The following XXYLT1 variants were observed in gnomAD, a reference collection of about 807,000 sequenced individuals.
XXYLT1 encodes the protein xyloside xylosyltransferase 1.
In XXYLT1, 20 loss-of-function variants were observed where a neutral mutation model predicts 28.9. The observed-to-expected ratio is 0.69, with a 90% confidence interval of 0.49 to 1.00. The LOEUF (loss-of-function observed/expected upper bound fraction) is 1.00. Among genes scored for constraint, XXYLT1 ranks in the 50% least tolerant of loss-of-function variants. The pLI is 0.00. For missense variants in XXYLT1, 542 were observed against 560.1 expected (o/e 0.97, Z 0.33); for synonymous variants, 257 against 253.8 (o/e 1.01, Z -0.12).
intron 3 of XXYLT1, among the ~76,000 whole-genome samples, chr3:195,122,691 G>A (rs1718426393): frequency 6.6e-6 from 1 of 152,222 alleles, no homozygotes; most frequent in Non-Finnish European, 1.5e-5. Flanking sequence ...GAGAAAGAAG[G>A]AAGTTTCCAG....
At chr3:195,175,760 C>T in intron 2 of XXYLT1, 2 of 1,524,216 alleles carry the variant, frequency 1.3e-6, no homozygotes, top group Non-Finnish European at 1.8e-6. Context: ...AGGGCCTCAG[C>T]CACTGCTCCC....
chr3:195,204,468 A>ACTCTCTCTCTCTCTCT (rs1316535464), intron 2 of XXYLT1, among the ~76,000 whole-genome samples: 1 of 114,754 alleles, frequency 8.7e-6, no homozygotes, highest in African/African-American at 3.8e-5. Flanking sequence ...ACACACACTC[A>ACTCTCTCTCTCTCTCT]CTCTCTCACT....
chr3:195,099,841 A>AAAAAG (rs1464001073), intron 3 of XXYLT1, among the ~76,000 whole-genome samples: 1 of 151,794 alleles, frequency 6.6e-6, no homozygotes. Flanking sequence ...AAAAAAAAAA[A>AAAAAG]AAAAAAAAAA....
At chr3:195,259,402 C>A (rs745648486) in intron 1 of XXYLT1, among the ~76,000 whole-genome samples, 1 of 152,178 alleles carries the variant, frequency 6.6e-6, no homozygotes, top group African/African-American at 2.4e-5. Flanking sequence ...GTCATCTTGA[C>A]TTGTCTTCCA....
intron 2 of XXYLT1, chr3:195,207,344 A>C (rs1255861255): frequency 2.6e-6 from 1 of 385,396 alleles, no homozygotes; most frequent in Non-Finnish European, 5.2e-6. Flanking sequence ...GGGCTCCAGG[A>C]AACAGCCAGC....
rs79367270 is a variant in XXYLT1, at chr3:195,202,415, A to G, written c.652+24294T>C. Among the ~76,000 whole-genome samples, 1,128 of 152,188 alleles carry G rather than the reference A, an allele frequency of 7.4e-3. 20 individuals are homozygous for G. Among genetic ancestry groups the G allele is most frequent in the African/African-American group, 0.026 (1,091 of 41,504 alleles). ...ACTAGGTCCCTGGCCAAAAAAAAAA[A>G]AAAAAAAACTGACAGTAACCTGATA... On this transcript the variant is annotated intron_variant, in intron 2 of 3. Transcript: ENST00000310380.
rs1168997998 is a variant in XXYLT1 at position 195,077,204 on chromosome 3, G to C, written c.786-7093C>G. On this transcript the variant is annotated intron_variant, in intron 3 of 3. Coordinates refer to ENST00000310380, the MANE Select transcript of XXYLT1 (RefSeq NM_152531.5). The surrounding 1 kb of genome is among the most constrained non-coding windows in gnomAD (Gnocchi z 4.8). ...GGGAAAGGCAGGTGTCAGTGGCTGG[G>C]GAAGGGAAAAGCAGAGGGATGGGAG... Among the ~76,000 whole-genome samples, 2 of 152,172 alleles carry C rather than the reference G, an allele frequency of 1.3e-5. No individual in the cohort carries two copies. Among genetic ancestry groups the C allele is most frequent in the African/African-American group, 4.8e-5 (2 of 41,426 alleles).
At chr3:195,204,441 G>GAC (rs1389880459) in intron 2 of XXYLT1, among the ~76,000 whole-genome samples, 3 of 146,742 alleles carry the variant, frequency 2.0e-5, no homozygotes, top group South Asian at 2.1e-4. Flanking sequence ...CTCTCTCCCT[G>GAC]ACACACACAC....
chr3:195,260,932 G>A (rs1010526178), intron 1 of XXYLT1, among the ~76,000 whole-genome samples: 1 of 152,332 alleles, frequency 6.6e-6, no homozygotes, highest in Admixed American at 6.5e-5. Context: ...TCATCGGCAG[G>A]CGGATGACAG....
intron 2 of XXYLT1, among the ~76,000 whole-genome samples, chr3:195,167,094 C>T (rs1721163677): frequency 6.6e-6 from 1 of 152,260 alleles, no homozygotes; most frequent in African/African-American, 2.4e-5. Flanking sequence ...TGCGTTCTCG[C>T]AGCGCCATGT....
intron 3 of XXYLT1, chr3:195,085,855 C>T (rs1329862425): frequency 1.1e-4 from 17 of 152,374 alleles, no homozygotes. Context: ...GGGCTAGCCT[C>T]CTCCCCCACC....
rs375801654 is a variant in XXYLT1, at chr3:195,171,292, C to G, written c.653-14711G>C. 2.0e-5 allele frequency among the ~76,000 whole-genome samples: 3 copies of G among 152,328 alleles called. 1 individual carries two copies. The highest frequency in any genetic ancestry group is 7.2e-5 in the African/African-American group (3 of 41,572). On this transcript the variant is annotated intron_variant, in intron 2 of 3. Coordinates refer to ENST00000310380, the MANE Select transcript of XXYLT1 (RefSeq NM_152531.5). ...TTCCCACAGGAGGGCAGGTTCTGAACGGCCAAGCCCTGGGGTCTGTTACCA... is the reference window on the plus strand; with the variant it reads ...TTCCCACAGGAGGGCAGGTTCTGAAGGGCCAAGCCCTGGGGTCTGTTACCA...
chr3:195,107,233 G>C (rs1717149295), intron 3 of XXYLT1, among the ~76,000 whole-genome samples: 1 of 151,932 alleles, frequency 6.6e-6, no homozygotes, highest in Non-Finnish European at 1.5e-5. Context: ...CAGCACTTTT[G>C]GAGGCCGAGG....
chr3:195,107,563 A>G (rs1351490951), intron 3 of XXYLT1, among the ~76,000 whole-genome samples: 62 of 2,070 alleles, frequency 0.03, 4 homozygotes, highest in African/African-American at 0.041. Flanking sequence ...GAAGAGGGGG[A>G]GAGGAGGAGG....
In XXYLT1 at chr3:195,270,797, T is replaced by C; in HGVS notation, c.262A>G (p.Ser88Gly). 1 of 1,531,700 alleles carries C rather than the reference T, an allele frequency of 6.5e-7. No individual in the cohort carries two copies. The highest frequency in any genetic ancestry group is 1.2e-5 in the South Asian group (1 of 82,146). The allele number at this position is 1,531,700 out of a possible 1,614,324, so 94.9% of individuals were successfully genotyped here. A position where few individuals can be genotyped will look rare whatever the true frequency, so the allele number is the denominator to read the frequency against. ...VAPAPGAKAK[S>G]LEGGGAGPVD... ...GGCCCGGCACCGCCGCCCTCCAAGC[T>C]CTTGGCCTTCGCGCCGGGGGCTGGC... is the stretch of plus-strand genomic sequence containing the variant. Residue 88 changes from serine (S) to glycine (G), a missense_variant, in exon 1 of 4, where the codon AGC (serine) becomes GGC (glycine). By Grantham distance (56) the Ser-to-Gly change is moderately conservative. Transcript: ENST00000310380.
chr3:195,175,673 T>G, intron 2 of XXYLT1: 3 of 1,536,132 alleles, frequency 2.0e-6, no homozygotes, highest in Non-Finnish European at 2.6e-6. Context: ...GGTGGCCACA[T>G]GACTAGCTCC....
intron 2 of XXYLT1, among the ~76,000 whole-genome samples, chr3:195,181,396 G>A (rs746341139): frequency 6.6e-6 from 1 of 152,216 alleles, no homozygotes; most frequent in Non-Finnish European, 1.5e-5. Flanking sequence ...CTGGCCCTGA[G>A]TGTCTACTTG....
At chr3:195,093,818 A>G (rs1716257911) in intron 3 of XXYLT1, 1 of 152,260 alleles carries the variant, frequency 6.6e-6, no homozygotes. Flanking sequence ...TTCTGGAATT[A>G]TCTGGCCGTC....
At position 195,143,891 on chromosome 3, in the gene XXYLT1, TA is replaced by T. The variant is rs1189498117; in HGVS notation, c.785+12557del. ...ATATAGATATATATATATATATATT[TA>T]TTTTTTATTTTTATTTTTTTTTTGA... is the stretch of plus-strand genomic sequence containing the variant. On this transcript the variant is annotated intron_variant, in intron 3 of 3. Coordinates refer to ENST00000310380, the MANE Select transcript of XXYLT1 (RefSeq NM_152531.5). Among the ~76,000 whole-genome samples the T allele has an allele frequency of 5.5e-4, 73 of 132,698 alleles. 2 individuals carry two copies. Among genetic ancestry groups the T allele is most frequent in the East Asian group, 2.5e-3 (8 of 3,210 alleles). 87.1% of individuals were successfully genotyped at this position (132,698 alleles called of 152,430 possible).
Sources: allele counts gnomAD v4.1 joint callset (sites outside exome capture counted in the v4.1 genomes callset), GRCh38; gene constraint gnomAD v4.1.1; non-coding constraint Gnocchi (gnomAD v3.1); transcripts MANE v1.5; gene names NCBI Gene and HGNC (gene_info 2026-07-23, HGNC 2026-07-21).